The following KCNU1 variants were observed in gnomAD, a reference collection of about 807,000 sequenced individuals.
KCNU1 encodes potassium channel subfamily U member 1.
Under a neutral mutation model 126.8 loss-of-function variants are expected in KCNU1, and 93 were observed. The observed-to-expected ratio is 0.73, with a 90% CI of 0.62 to 0.87. The LOEUF (loss-of-function observed/expected upper bound fraction) is 0.87, where lower values mean the gene tolerates loss of function less well. Among genes scored for constraint, KCNU1 ranks in the 40% least tolerant of loss-of-function variants. KCNU1 has a pLI of 0.00. For missense variants in KCNU1, 1,330 were observed against 1,367.1 expected (o/e 0.97, Z 0.43); for synonymous variants, 523 against 494.2 (o/e 1.06, Z -0.77).
intron 23 of KCNU1, among the ~76,000 whole-genome samples, chr8:36,921,450 G>A (rs1043414214): frequency 2.0e-5 from 3 of 151,954 alleles, no homozygotes; most frequent in South Asian, 4.1e-4. Context: ...AGGCTGAGGC[G>A]GGTGGATCAT....
Position 36,911,075 on chromosome 8 carries a change from C to G in KCNU1, c.2477C>G (p.Ser826Cys). ...ATCATGGCAACCCTCACCATCGGAT[C>G]CTTGCAAATTGACTCCTCCTCTGAC... ...EAIMATLTIG[S>C]LQIDSSSDPS... Residue 826 changes from serine (S) to cysteine (C), a missense_variant, in exon 22 of 27, where the codon TCC becomes TGC. Ser to Cys is a moderately radical substitution (Grantham distance 112). Coordinates refer to ENST00000399881, the MANE Select transcript of KCNU1 (RefSeq NM_001031836.3). The G allele has an allele frequency of 6.2e-7, 1 of 1,613,748 alleles. No individual in the cohort carries two copies. The highest frequency in any genetic ancestry group is 8.5e-7 in the Non-Finnish European group (1 of 1,179,748).
intron 10 of KCNU1, among the ~76,000 whole-genome samples, chr8:36,819,385 C>A (rs374201516): frequency 6.2e-4 from 95 of 152,192 alleles, no homozygotes; most frequent in African/African-American, 2.2e-3. Context: ...GTAAATGAGA[C>A]CTCATTAATA....
chr8:36,864,454 A>G lies in KCNU1; in HGVS notation c.1942A>G (p.Ile648Val), dbSNP rs753266159. The G allele has an allele frequency of 1.2e-6, 2 of 1,613,168 alleles. No individual in the cohort carries two copies. Among genetic ancestry groups the G allele is most frequent in the East Asian group, 2.2e-5 (1 of 44,848 alleles). Residue 648 changes from isoleucine (I) to valine (V), a missense_variant, in exon 19 of 27, where the codon ATA becomes GTA. Physicochemically the swap from Ile to Val is conservative, Grantham distance 29. Around this residue, in one of 3 missense-constraint regions of KCNU1, gnomAD observed 1,054 missense variants for 1,053.9 expected, o/e 1.00. Coordinates refer to ENST00000399881, the MANE Select transcript of KCNU1 (RefSeq NM_001031836.3). ...ATGTCTGAAGGGAATCTCCTCTCGTATATCAGGGCAGGATTCTCCGCCAAG... is the reference window on the plus strand; with the variant it reads ...ATGTCTGAAGGGAATCTCCTCTCGTGTATCAGGGCAGGATTCTCCGCCAAG... Reference protein sequence around the residue: ...KKCLKGISSRISGQDSPPRVS... With the variant: ...KKCLKGISSRVSGQDSPPRVS...
chr8:36,902,274 C>T lies in KCNU1; in HGVS notation c.2010-3434C>T, dbSNP rs139751648. ...GTCTGTGACAGCTTGTATACATATA[C>T]CACACTTTTATTATGATAAAAATGT... On this transcript the variant is annotated intron_variant, in intron 19 of 26. Coordinates refer to ENST00000399881, the MANE Select transcript of KCNU1 (RefSeq NM_001031836.3). Among the ~76,000 whole-genome samples the T allele has an allele frequency of 1.6e-3, 243 of 152,186 alleles. 1 individual carries two copies. The highest frequency in any genetic ancestry group is 5.2e-3 in the African/African-American group (216 of 41,546).
intron 19 of KCNU1, among the ~76,000 whole-genome samples, chr8:36,866,817 A>C (rs1280242616): frequency 6.6e-6 from 1 of 152,154 alleles, no homozygotes; most frequent in Non-Finnish European, 1.5e-5. Context: ...CCGTAAAGTG[A>C]CTATAGTTAA....
intron 19 of KCNU1, among the ~76,000 whole-genome samples, chr8:36,900,833 G>A (rs1042872383): frequency 2.0e-5 from 3 of 152,016 alleles, no homozygotes; most frequent in Admixed American, 1.3e-4. Context: ...AACCAAGAAA[G>A]CCACTCAAAC....
chr8:36,810,474 G>A (rs1803672118), intron 7 of KCNU1, among the ~76,000 whole-genome samples: 1 of 152,150 alleles, frequency 6.6e-6, no homozygotes, highest in Admixed American at 6.6e-5. Context: ...CAGATGGCGT[G>A]TGAATTAGAC....
chr8:36,806,335 A>G lies in KCNU1; in HGVS notation c.535A>G (p.Ile179Val). ...GAATTCAATCGTAGACATCTTTACC[A>G]TCCCACCAACCTTTATTTCTTATTA... ...EMNSIVDIFT[I>V]PPTFISYYLK... The change falls in exon 5 of 27, where the codon ATC (isoleucine) becomes GTC (valine). Residue 179 changes from isoleucine (I) to valine (V), a missense_variant. By Grantham distance (29) the Ile-to-Val change is conservative. This residue lies in a region of KCNU1 where 247 missense variants were observed against 255.4 expected (regional missense o/e 0.97). Transcript: ENST00000399881. 6.2e-7 allele frequency: 1 copy of G among 1,611,460 alleles called. No homozygotes were observed.
intron 10 of KCNU1, among the ~76,000 whole-genome samples, chr8:36,826,235 G>A (rs190303458): frequency 6.6e-6 from 1 of 150,778 alleles, no homozygotes; most frequent in East Asian, 2.0e-4. Flanking sequence ...TTTGAGACAG[G>A]GTCTTGCTCT....
intron 17 of KCNU1, 36 bp downstream of exon 17, chr8:36,845,705 G>A (rs778701920): frequency 1.3e-6 from 2 of 1,490,830 alleles, no homozygotes. Flanking sequence ...AAGCACTAAA[G>A]CAACTACAGC....
intron 14 of KCNU1, among the ~76,000 whole-genome samples, chr8:36,838,734 G>A (rs1804845261): frequency 6.6e-6 from 1 of 151,956 alleles, no homozygotes; most frequent in African/African-American, 2.4e-5. Context: ...AAGATCTAGA[G>A]TTGTAACCTC....
Position 36,935,572 on chromosome 8 carries a change from T to C in KCNU1, c.3102T>C (p.Phe1034=). 6.2e-7 allele frequency: 1 copy of C among 1,612,888 alleles called. No individual in the cohort carries two copies. Among genetic ancestry groups the C allele is most frequent in the Admixed American group, 1.7e-5 (1 of 59,938 alleles). ...AGCTGCTGCCTTCAGATCTTGTGTT[T>C]TGTGCCATACCCTTCAGCACTGCTT... ...EFKLLPSDLV[F]CAIPFSTACY... is the part of the protein sequence containing the mutation. Residue 1034 remains phenylalanine, a synonymous_variant, in exon 27 of 27, where the codon TTT becomes TTC. Coordinates refer to ENST00000399881, the MANE Select transcript of KCNU1 (RefSeq NM_001031836.3).
chr8:36,869,909 C>A (rs1806040507), intron 19 of KCNU1, among the ~76,000 whole-genome samples: 1 of 152,108 alleles, frequency 6.6e-6, no homozygotes, highest in Non-Finnish European at 1.5e-5. Flanking sequence ...GAGTTCAAGA[C>A]CTCGCAAGAT....
intron 19 of KCNU1, among the ~76,000 whole-genome samples, chr8:36,905,356 G>T (rs1807581113): frequency 1.3e-5 from 2 of 151,782 alleles, no homozygotes; most frequent in African/African-American, 4.8e-5. Context: ...CTATATTCAG[G>T]TGCCCAAAAC....
chr8:36,904,858 T>C (rs1380489122), intron 19 of KCNU1, among the ~76,000 whole-genome samples: 3 of 152,056 alleles, frequency 2.0e-5, no homozygotes, highest in Non-Finnish European at 2.9e-5. Flanking sequence ...GTAACATATA[T>C]AGTGTAGGTG....
intron 2 of KCNU1, among the ~76,000 whole-genome samples, chr8:36,791,302 AT>A (rs1802892629): frequency 6.6e-6 from 1 of 152,022 alleles, no homozygotes; most frequent in Non-Finnish European, 1.5e-5. Flanking sequence ...TCTTTTTGAG[AT>A]TTTGTGTGGT....
chr8:36,906,709 G>T (rs550714804), intron 20 of KCNU1, among the ~76,000 whole-genome samples: 1 of 152,096 alleles, frequency 6.6e-6, no homozygotes, highest in East Asian at 1.9e-4. Flanking sequence ...CATCTTTGTG[G>T]CTCAGTGCCA....
At chr8:36,799,567 T>C (rs1347650838) in intron 2 of KCNU1, among the ~76,000 whole-genome samples, 1 of 151,938 alleles carries the variant, frequency 6.6e-6, no homozygotes, top group African/African-American at 2.4e-5. Flanking sequence ...AGTATCACTC[T>C]GCTGTCATCC....
At chr8:36,839,758 T>C (rs186603879) in intron 14 of KCNU1, among the ~76,000 whole-genome samples, 13 of 152,312 alleles carry the variant, frequency 8.5e-5, no homozygotes, top group African/African-American at 3.1e-4. Context: ...TCTTGCCATA[T>C]CAGAACAGTG....
Sources: allele counts gnomAD v4.1 joint callset (sites outside exome capture counted in the v4.1 genomes callset), GRCh38; gene constraint gnomAD v4.1.1; regional missense constraint gnomAD v4.1.1; transcripts MANE v1.5; gene names NCBI Gene and HGNC (gene_info 2026-07-23, HGNC 2026-07-21).